SIPA1L2: variants seen among roughly 807,000 people sequenced by gnomAD.
SIPA1L2 encodes signal-induced proliferation-associated 1-like protein 2.
Under a neutral mutation model 163.9 loss-of-function variants are expected in SIPA1L2, and 56 were observed. The observed-to-expected ratio is 0.34, with a 90% CI of 0.28 to 0.43. The LOEUF is 0.43. Among genes scored for constraint, SIPA1L2 ranks in the 20% least tolerant of loss-of-function variants. The pLI, the probability that SIPA1L2 is intolerant of heterozygous loss-of-function variation, is 1.00. For missense variants in SIPA1L2, 1,974 were observed against 2,193.5 expected (o/e 0.90, Z 2.00); for synonymous variants, 877 against 865.7 (o/e 1.01, Z -0.23).
chr1:232,493,019 G>A (rs916738802), intron 4 of SIPA1L2, among the ~76,000 whole-genome samples: 4 of 149,934 alleles, frequency 2.7e-5, no homozygotes, highest in African/African-American at 9.8e-5. Flanking sequence ...AAGAGGCCTC[G>A]TAGGGGTGAT....
At chr1:232,570,691 C>A (rs1411256092) in intron 2 of SIPA1L2, among the ~76,000 whole-genome samples, 1 of 152,050 alleles carries the variant, frequency 6.6e-6, no homozygotes, top group Non-Finnish European at 1.5e-5. Context: ...TTCCTCTGTG[C>A]TCTTAAAGAC....
intron 2 of SIPA1L2, among the ~76,000 whole-genome samples, chr1:232,539,902 G>A (rs1005503559): frequency 6.6e-6 from 1 of 152,178 alleles, no homozygotes; most frequent in Non-Finnish European, 1.5e-5. Context: ...AAACAAAAAT[G>A]AAAGGTCTGT....
intron 3 of SIPA1L2, among the ~76,000 whole-genome samples, chr1:232,497,008 C>T (rs1306543163): frequency 6.6e-6 from 1 of 152,144 alleles, no homozygotes; most frequent in African/African-American, 2.4e-5. Flanking sequence ...ATACATAAAA[C>T]TACCTTTTAT....
intron 1 of SIPA1L2, among the ~76,000 whole-genome samples, chr1:232,606,846 G>A (rs1661948906): frequency 6.6e-6 from 1 of 151,638 alleles, no homozygotes; most frequent in Non-Finnish European, 1.5e-5. Flanking sequence ...AGATGTTAGG[G>A]GCTTTTACAA....
chr1:232,452,117 C>T (rs1212664377), intron 10 of SIPA1L2, among the ~76,000 whole-genome samples: 1 of 151,406 alleles, frequency 6.6e-6, no homozygotes. Flanking sequence ...AACAGTATTA[C>T]TTGTCCTTTT....
intron 2 of SIPA1L2, among the ~76,000 whole-genome samples, chr1:232,534,811 T>G (rs1195841290): frequency 6.6e-6 from 1 of 152,186 alleles, no homozygotes; most frequent in African/African-American, 2.4e-5. Flanking sequence ...ACATCCAGCC[T>G]CATGAATCCT....
intron 1 of SIPA1L2, among the ~76,000 whole-genome samples, chr1:232,600,694 T>G (rs1386779916): frequency 6.6e-6 from 1 of 152,198 alleles, no homozygotes; most frequent in Non-Finnish European, 1.5e-5. Flanking sequence ...ATGGTCACCA[T>G]GCACCTTACT....
rs373771916 is a variant in SIPA1L2 at position 232,462,996 on chromosome 1, A to G, written c.2821-1835T>C. ...CTTCTTCCATGGACCCAATTATCAC[A>G]CGAAAATTGTAGTCTCCAAGCCAGG... is the stretch of plus-strand genomic sequence containing the variant. On this transcript the variant is annotated intron_variant, in intron 9 of 22. Transcript: ENST00000674635. 4.7e-4 allele frequency among the ~76,000 whole-genome samples: 72 copies of G among 152,330 alleles called. 1 individual carries two copies. The highest frequency in any genetic ancestry group is 1.7e-3 in the African/African-American group (69 of 41,570).
intron 2 of SIPA1L2, among the ~76,000 whole-genome samples, chr1:232,520,087 T>C (rs1404756767): frequency 2.0e-5 from 3 of 152,230 alleles, no homozygotes; most frequent in East Asian, 1.9e-4. Flanking sequence ...AAGACGGAGT[T>C]TGCCTTCGAA....
Position 232,513,965 on chromosome 1 carries a change from C to G in SIPA1L2, c.1375G>C (p.Glu459Gln). The G allele has an allele frequency of 6.2e-7, 1 of 1,614,200 alleles. No individual in the cohort carries two copies. Among genetic ancestry groups the G allele is most frequent in the Non-Finnish European group, 8.5e-7 (1 of 1,180,042 alleles). The change falls in exon 3 of 23, where the codon GAA becomes CAA. Residue 459 changes from glutamate to glutamine, a missense_variant. Glu to Gln is a conservative substitution (Grantham distance 29). This residue lies in a region of SIPA1L2 where 607 missense variants were observed against 624.0 expected (regional missense o/e 0.97). Transcript: ENST00000674635. ...ATAGGCTGGTTTTCTCTGGGCACTT[C>G]CAAGACGGAGACACCTGCATTTGTG... ...HCTNAGVSVLEVPRENQPIHR... is the reference protein window; with the variant it reads ...HCTNAGVSVLQVPRENQPIHR...
intron 3 of SIPA1L2, among the ~76,000 whole-genome samples, chr1:232,504,057 C>T (rs1666606090): frequency 6.6e-6 from 1 of 152,080 alleles, no homozygotes; most frequent in Non-Finnish European, 1.5e-5. Context: ...AATAAATAAG[C>T]TGAGTGTGGT....
intron 3 of SIPA1L2, among the ~76,000 whole-genome samples, chr1:232,495,330 G>C (rs907059098): frequency 2.0e-5 from 3 of 152,150 alleles, no homozygotes; most frequent in Non-Finnish European, 4.4e-5. Flanking sequence ...TTGGGAGGCC[G>C]AGGCGGGCGG....
intron 19 of SIPA1L2, among the ~76,000 whole-genome samples, chr1:232,406,723 T>C (rs1413424505): frequency 6.6e-6 from 1 of 152,070 alleles, no homozygotes; most frequent in Admixed American, 6.6e-5. Flanking sequence ...AAGGCTGGAC[T>C]GGTGGGGGTG....
At chr1:232,426,443 G>A (rs990286893) in intron 17 of SIPA1L2, among the ~76,000 whole-genome samples, 1 of 152,148 alleles carries the variant, frequency 6.6e-6, no homozygotes, top group African/African-American at 2.4e-5. Flanking sequence ...GGTGGATCAC[G>A]AGGTCAGGAG....
chr1:232,561,532 G>C (rs1049829325), intron 2 of SIPA1L2: 20 of 152,154 alleles, frequency 1.3e-4, no homozygotes, highest in African/African-American at 4.8e-4. Flanking sequence ...TACCACAGGG[G>C]AGCCACACAC....
chr1:232,439,056 C>A (rs1662732874), intron 15 of SIPA1L2, 52 bp downstream of exon 15: 2 of 1,526,914 alleles, frequency 1.3e-6, no homozygotes, highest in South Asian at 2.5e-5. Flanking sequence ...TCCCAGCAGG[C>A]AGGGCCCAGG....
chr1:232,603,014 AG>A (rs1173434418), intron 1 of SIPA1L2, among the ~76,000 whole-genome samples: 1 of 152,214 alleles, frequency 6.6e-6, no homozygotes, highest in Non-Finnish European at 1.5e-5. Context: ...AGGCAGGAGC[AG>A]GGGGGATAAA....
intron 3 of SIPA1L2, 69 bp downstream of exon 3, chr1:232,513,787 CA>C: frequency 6.7e-7 from 1 of 1,485,638 alleles, no homozygotes; most frequent in Admixed American, 2.3e-5. Flanking sequence ...CAACACAAAG[CA>C]AAACATTGTG....
At chr1:232,618,684 G>A (rs559473240) in intron 1 of SIPA1L2, among the ~76,000 whole-genome samples, 20 of 150,440 alleles carry the variant, frequency 1.3e-4, no homozygotes, top group East Asian at 1.9e-4. Context: ...TTGTTACTCC[G>A]CATAATTTTA....
Sources: gnomAD v4.1 joint callset for allele counts (sites outside exome capture counted in the v4.1 genomes callset) on GRCh38, gnomAD v4.1.1 for gene constraint, gnomAD v4.1.1 regional missense constraint, MANE v1.5 for transcripts, NCBI Gene and HGNC (gene_info 2026-07-23, HGNC 2026-07-21) for gene names.